The following DGKH variants were observed in gnomAD, a reference collection of about 807,000 sequenced individuals.
DGKH encodes DAG kinase eta.
DGKH carries 90 observed loss-of-function variants against 159.3 expected under a neutral mutation model. The observed-to-expected ratio is 0.57, with a 90% CI of 0.48 to 0.67. The LOEUF (loss-of-function observed/expected upper bound fraction) is 0.67, where lower values mean the gene tolerates loss of function less well. Among genes scored for constraint, DGKH ranks in the 30% least tolerant of loss-of-function variants. The probability of loss-of-function intolerance (pLI) is 0.00; values close to 1 mark genes in which losing one functional copy is unlikely to be tolerated. For missense variants in DGKH, 1,181 were observed against 1,506.1 expected, an observed-to-expected ratio of 0.78 and a Z score of 3.57; for synonymous variants, 536 against 553.8, an observed-to-expected ratio of 0.97 and a Z score of 0.45.
chr13:42,184,434 A>G (rs1956856324), intron 13 of DGKH, among the ~76,000 whole-genome samples: 1 of 152,198 alleles, frequency 6.6e-6, no homozygotes, highest in Non-Finnish European at 1.5e-5. Context: ...AGTAGAGATG[A>G]TAGTGGAAAT....
chr13:42,189,678 A>T (rs12868962), intron 15 of DGKH, among the ~76,000 whole-genome samples: 20,528 of 152,076 alleles, frequency 0.13, 1,908 homozygotes, highest in East Asian at 0.45. Flanking sequence ...AGAAAAAAAA[A>T]TTTTTTGAGA....
At chr13:42,050,952 G>A (rs1479497548) in intron 1 of DGKH, among the ~76,000 whole-genome samples, 1 of 152,220 alleles carries the variant, frequency 6.6e-6, no homozygotes, top group Non-Finnish European at 1.5e-5. Context: ...TTAACCAGTA[G>A]ATTTATACTG....
intron 1 of DGKH, chr13:42,071,135 A>C: frequency 1.4e-6 from 1 of 696,188 alleles, no homozygotes; most frequent in Non-Finnish European, 2.3e-6. Context: ...GAATTGTTGA[A>C]CTTGTGTAAA....
intron 3 of DGKH, among the ~76,000 whole-genome samples, chr13:42,133,750 G>A (rs1156725051): frequency 6.6e-6 from 1 of 152,082 alleles, no homozygotes; most frequent in Non-Finnish European, 1.5e-5. Flanking sequence ...AAAAACAAAT[G>A]TAGGGACTAA....
At chr13:42,043,241 A>G (rs1238985964) in intron 1 of DGKH, among the ~76,000 whole-genome samples, 1 of 152,242 alleles carries the variant, frequency 6.6e-6, no homozygotes, top group Non-Finnish European at 1.5e-5. Context: ...TACAATTTCA[A>G]GAGTACCACA....
rs1958233584 is a variant in DGKH, at chr13:42,229,465, G to A, written c.*277G>A. 1 of 326,792 alleles carries A rather than the reference G, an allele frequency of 3.1e-6. No homozygotes were observed. Among genetic ancestry groups the A allele is most frequent in the Non-Finnish European group, 5.6e-6 (1 of 179,902 alleles). The allele number at this position is 326,792 out of a possible 1,614,324, so 20.2% of individuals were successfully genotyped here. A position where few individuals can be genotyped will look rare whatever the true frequency, so the allele number is the denominator to read the frequency against. ...TAATAAGGTAGGAGGAATCTGAGAC[G>A]ATTGCATTGTCTAAACAGTGGAATT... On this transcript the variant is annotated 3_prime_UTR_variant, in exon 30 of 30. Coordinates refer to ENST00000337343, the MANE Select transcript of DGKH (RefSeq NM_178009.5).
intron 1 of DGKH, among the ~76,000 whole-genome samples, chr13:42,094,077 A>G (rs980754751): frequency 7.3e-6 from 1 of 136,456 alleles, no homozygotes; most frequent in East Asian, 2.3e-4. Flanking sequence ...ATGAGAACAC[A>G]TGGACACAGG....
intron 3 of DGKH, among the ~76,000 whole-genome samples, chr13:42,133,550 G>T (rs1259251061): frequency 6.6e-6 from 1 of 152,034 alleles, no homozygotes; most frequent in Non-Finnish European, 1.5e-5. Context: ...CCAAAAATTA[G>T]CCAGGTGTAG....
intron 29 of DGKH, among the ~76,000 whole-genome samples, chr13:42,248,612 A>G (rs921863950): frequency 6.8e-6 from 1 of 147,560 alleles, no homozygotes; most frequent in South Asian, 2.1e-4. Flanking sequence ...AATTTATATA[A>G]TACATAATAT....
intron 7 of DGKH, 25 bp downstream of exon 7, chr13:42,160,161 C>A (rs375482961): frequency 1.2e-6 from 2 of 1,613,714 alleles, no homozygotes; most frequent in Non-Finnish European, 1.7e-6. Flanking sequence ...ATCAGTTCAT[C>A]CTTTTTAATT....
At chr13:42,043,783 A>G (rs1333840262), upstream of DGKH, 2 of 152,154 alleles carry the variant, frequency 1.3e-5, no homozygotes, top group Non-Finnish European at 2.9e-5. Flanking sequence ...ATTATCCCTT[A>G]TGGGATAACA....
chr13:42,121,126 T>A (rs1955063342), intron 1 of DGKH, among the ~76,000 whole-genome samples: 1 of 142,798 alleles, frequency 7.0e-6, no homozygotes, highest in South Asian at 2.2e-4. Context: ...ACACAAGACA[T>A]TCCCTGACTT....
chr13:42,153,219 A>G (rs1334234720), intron 3 of DGKH, among the ~76,000 whole-genome samples: 1 of 152,242 alleles, frequency 6.6e-6, no homozygotes, highest in Non-Finnish European at 1.5e-5. Flanking sequence ...TTTAGAATTG[A>G]GGCATTTGTG....
At position 42,190,535 on chromosome 13, in the gene DGKH, C is replaced by T; in HGVS notation, c.2035+10C>T. On this transcript the variant is annotated intron_variant, in intron 16 of 29. Transcript: ENST00000337343. Reference sequence around the variant, plus strand: ...AAAGAATCAATAACTGGTGAGGAAACTGGGAAAAAATTATTTTGGAATTAA... The same window carrying T: ...AAAGAATCAATAACTGGTGAGGAAATTGGGAAAAAATTATTTTGGAATTAA... 1 of 1,562,200 alleles carries T rather than the reference C, an allele frequency of 6.4e-7. No individual in the cohort carries two copies. Among genetic ancestry groups the T allele is most frequent in the Non-Finnish European group, 8.6e-7 (1 of 1,161,310 alleles).
At chr13:42,072,113 T>C (rs1883015678) in intron 1 of DGKH, among the ~76,000 whole-genome samples, 1 of 152,214 alleles carries the variant, frequency 6.6e-6, no homozygotes, top group African/African-American at 2.4e-5. Context: ...AAAAAACTTT[T>C]GTTAGGTCAC....
chr13:42,171,471 T>C (rs1956452673), intron 11 of DGKH, among the ~76,000 whole-genome samples: 1 of 152,210 alleles, frequency 6.6e-6, no homozygotes, highest in African/African-American at 2.4e-5. Context: ...TTCTCCTTTT[T>C]ATTTAGCTCC....
In DGKH at chr13:42,064,889, T is replaced by TC. The variant is rs1233350317; in HGVS notation, c.192+15924_192+15925insC. Among the ~76,000 whole-genome samples, 3 of 152,164 alleles carry TC rather than the reference T, an allele frequency of 2.0e-5. No individual in the cohort carries two copies. The East Asian group carries it at 5.8e-4, about 29-fold the overall frequency. On this transcript the variant is annotated intron_variant, in intron 1 of 29. Coordinates refer to ENST00000337343, the MANE Select transcript of DGKH (RefSeq NM_178009.5). ...TAAATCTGATTTGGATTTTTTTTTT[T>TC]AAATTTACAAATGAAACCCTGAAAT...
chr13:42,048,355 A>C (rs1880946503), upstream of DGKH, among the ~76,000 whole-genome samples: 1 of 152,010 alleles, frequency 6.6e-6, no homozygotes, highest in African/African-American at 2.4e-5. The surrounding 1 kb of genome is among the most constrained non-coding windows in gnomAD (Gnocchi z 6.7). Flanking sequence ...GGGCATCGCC[A>C]CTACGGGGTG....
At chr13:42,076,652 A>G (rs1200859767) in intron 1 of DGKH, among the ~76,000 whole-genome samples, 1 of 152,184 alleles carries the variant, frequency 6.6e-6, no homozygotes, top group Non-Finnish European at 1.5e-5. Flanking sequence ...TTGTGACCAT[A>G]ATGTTTTAAC....
Sources: gnomAD v4.1 joint callset for allele counts (sites outside exome capture counted in the v4.1 genomes callset) on GRCh38, gnomAD v4.1.1 for gene constraint, Gnocchi (gnomAD v3.1) non-coding constraint, MANE v1.5 for transcripts, NCBI Gene and HGNC (gene_info 2026-07-23, HGNC 2026-07-21) for gene names.